CPT1C: variants seen among roughly 807,000 people sequenced by gnomAD.
The protein encoded by CPT1C is carnitine palmitoyltransferase 1C, also known as palmitoyl thioesterase CPT1C.
Under a neutral mutation model 97.3 loss-of-function variants are expected in CPT1C, and 61 were observed. The ratio of observed to expected loss-of-function variants is 0.63; its 90% CI spans 0.51 to 0.78. The LOEUF (loss-of-function observed/expected upper bound fraction) is 0.78. Ranked by LOEUF, CPT1C falls within the 30% of genes least tolerant of loss-of-function variation. CPT1C has a pLI of 0.00. For missense variants in CPT1C, 975 were observed against 1,065.5 expected (o/e 0.92, Z 1.18); for synonymous variants, 469 against 447.2 (o/e 1.05, Z -0.61).
chr19:49,709,546 C>T (rs545637226), intron 14 of CPT1C, among the ~76,000 whole-genome samples: 1 of 151,428 alleles, frequency 6.6e-6, no homozygotes, highest in Non-Finnish European at 1.5e-5. Context: ...ACATGCCATC[C>T]CTATCCCCAT....
At chr19:49,707,448 T>A in intron 12 of CPT1C, 70 bp from the exon 13 acceptor site, 1 of 1,086,200 alleles carries the variant, frequency 9.2e-7, no homozygotes. Context: ...CCCCCTCAAG[T>A]CCCACAGAAA....
At chr19:49,693,284 A>G (rs1412983797) in intron 3 of CPT1C, among the ~76,000 whole-genome samples, 1 of 152,068 alleles carries the variant, frequency 6.6e-6, no homozygotes, top group Non-Finnish European at 1.5e-5. Flanking sequence ...CTGTCTCCAT[A>G]CAGGGACTCC....
Position 49,702,099 on chromosome 19 carries a change from A to T in CPT1C, c.693+465A>T, listed in dbSNP as rs1316342443. ...ATTATAAATATATATTTATTTATAA[A>T]TTATAAATATATATTTATTTATTTA... On this transcript the variant is annotated intron_variant, in intron 7 of 19. Transcript: ENST00000598293. Among the ~76,000 whole-genome samples the T allele has an allele frequency of 2.1e-4, 22 of 103,608 alleles. 1 individual carries two copies. The highest frequency in any genetic ancestry group is 8.8e-4 in the African/African-American group (18 of 20,456). 68.0% of individuals were successfully genotyped at this position (103,608 alleles called of 152,430 possible). A position where few individuals can be genotyped will look rare whatever the true frequency, so the allele number is the denominator to read the frequency against.
intron 13 of CPT1C, 138 bp from the exon 14 acceptor site, chr19:49,708,585 C>T: frequency 1.4e-6 from 1 of 738,468 alleles, no homozygotes. Flanking sequence ...CCTGAGACCG[C>T]ATCTGTGAAT....
intron 12 of CPT1C, among the ~76,000 whole-genome samples, chr19:49,707,286 A>AAAAC (rs757180132): frequency 9.2e-5 from 14 of 152,188 alleles, no homozygotes; most frequent in Middle Eastern, 3.4e-3. Flanking sequence ...ACTCCATCTC[A>AAAAC]AAACAAACAA....
At position 49,708,847 on chromosome 19, in the gene CPT1C, T is replaced by G. The variant is rs762133869; in HGVS notation, c.1566+8T>G. The stretch of plus-strand genomic sequence containing the variant: ...TGGGACCTTCCAGACCAGGTGAGGC[T>G]GGGTTTCTGGGCCTCTCCTCCAAGT... On this transcript the variant is annotated splice_region_variant and intron_variant, in intron 14 of 19. Transcript: ENST00000598293. 3 of 1,561,748 alleles carry G rather than the reference T, an allele frequency of 1.9e-6. No individual in the cohort carries two copies. Among genetic ancestry groups the G allele is most frequent in the Non-Finnish European group, 2.6e-6 (3 of 1,134,046 alleles).
intron 7 of CPT1C, among the ~76,000 whole-genome samples, chr19:49,703,017 T>C (rs1459550172): frequency 1.3e-5 from 2 of 151,930 alleles, no homozygotes; most frequent in Non-Finnish European, 2.9e-5. Context: ...AATGCAGGCC[T>C]TGCTTTTCTG....
At chr19:49,699,557 T>C (rs1401246718) in intron 4 of CPT1C, among the ~76,000 whole-genome samples, 3 of 147,130 alleles carry the variant, frequency 2.0e-5, no homozygotes, top group African/African-American at 5.0e-5. Flanking sequence ...GTCCTCCAGG[T>C]GACATTTGCA....
At chr19:49,708,988 C>A in intron 14 of CPT1C, 149 bp downstream of exon 14, 1 of 605,272 alleles carries the variant, frequency 1.7e-6, no homozygotes, top group Non-Finnish European at 2.9e-6. Context: ...CCAAATCAGG[C>A]CATATGCATC....
intron 17 of CPT1C, 176 bp from the exon 18 acceptor site, chr19:49,712,560 T>G (rs1600160373): frequency 5.0e-6 from 3 of 598,306 alleles, no homozygotes; most frequent in Non-Finnish European, 6.0e-6. Flanking sequence ...GTGTGGGTGG[T>G]GAGACGAGTG....
At position 49,701,298 on chromosome 19, in the gene CPT1C, G is replaced by A. The variant is rs769454583; in HGVS notation, c.454-19G>A. ...GGCTCCGGTGAGGGGTTAATGACCC[G>A]GTAACTCCTCCTCCCCAGGCCCTGG... On this transcript the variant is annotated intron_variant, in intron 5 of 19. Coordinates refer to ENST00000598293, the MANE Select transcript of CPT1C (RefSeq NM_001199753.2). The A allele has an allele frequency of 3.7e-6, 6 of 1,602,928 alleles. No homozygotes were observed. Among genetic ancestry groups the A allele is most frequent in the African/African-American group, 1.3e-5 (1 of 74,768 alleles).
In CPT1C at chr19:49,706,716, A is replaced by G. The variant is rs924590336; in HGVS notation, c.1343+303A>G. Among the ~76,000 whole-genome samples, 1 of 152,034 alleles carries G rather than the reference A, an allele frequency of 6.6e-6. No homozygotes were observed. Among genetic ancestry groups the G allele is most frequent in the Non-Finnish European group, 1.5e-5 (1 of 68,016 alleles). On this transcript the variant is annotated intron_variant, in intron 12 of 19. Coordinates refer to ENST00000598293, the MANE Select transcript of CPT1C (RefSeq NM_001199753.2). This position sits in a 1 kb window ranked among gnomAD's most constrained non-coding sequence, Gnocchi z 4.8. ...AGAGAACTCAGCATCACAGACCCAG[A>G]GACCCCAGATCTGAGGACCACCAAA...
At position 49,706,137 on chromosome 19, in the gene CPT1C, C is replaced by T. The variant is rs948164950; in HGVS notation, c.1160+33C>T. 10 of 1,588,762 alleles carry T rather than the reference C, an allele frequency of 6.3e-6. No individual in the cohort carries two copies. Among genetic ancestry groups the T allele is most frequent in the African/African-American group, 1.3e-5 (1 of 74,290 alleles). On this transcript the variant is annotated intron_variant, in intron 11 of 19. Transcript: ENST00000598293. This position sits in a 1 kb window ranked among gnomAD's most constrained non-coding sequence, Gnocchi z 4.8. The stretch of plus-strand genomic sequence containing the variant: ...TCAGGGGTCAGGGGTCAGGGGCTCT[C>T]AGAGGCCGCCAGTGTCCTGAGACTG...
intron 3 of CPT1C, among the ~76,000 whole-genome samples, chr19:49,694,074 T>A (rs1251915848): frequency 1.2e-3 from 158 of 127,136 alleles, no homozygotes; most frequent in Middle Eastern, 4.2e-3. Context: ...CAAAAAAAAA[T>A]AAAATAAAAT....
intron 3 of CPT1C, chr19:49,696,577 C>T (rs2082685921): frequency 6.7e-6 from 1 of 149,826 alleles, no homozygotes; most frequent in Admixed American, 6.7e-5. Flanking sequence ...CCTCCTGCTT[C>T]AGCCTTCCAA....
chr19:49,703,563 TCCTCCCTCCCTCCCTCCCTC>T (rs57669600), intron 7 of CPT1C, among the ~76,000 whole-genome samples: 1 of 61,618 alleles, frequency 1.6e-5, no homozygotes, highest in African/African-American at 1.0e-4. Flanking sequence ...TGTCTCTCTC[TCCTCCCTCCCTCCCTCCCTC>T]CCTCCCTCCC....
intron 13 of CPT1C, 139 bp from the exon 14 acceptor site, chr19:49,708,584 G>A (rs72626235): frequency 0.026 from 18,994 of 732,608 alleles, 1,264 homozygotes; most frequent in Admixed American, 0.14. Context: ...ACCTGAGACC[G>A]CATCTGTGAA....
In CPT1C at chr19:49,704,763, G is replaced by A. The variant is rs747421409; in HGVS notation, c.747G>A (p.Met249Ile). The stretch of plus-strand genomic sequence containing the variant: ...ACCTGCGCTCCCGAAATCCGCTGAT[G>A]GTGAACAGCAACTATTACATGATGG... ...FVYLRSRNPL[M>I]VNSNYYMMDF... is the part of the protein sequence containing the mutation. Residue 249 changes from methionine to isoleucine, a missense_variant, in exon 8 of 20, where the codon ATG becomes ATA. By Grantham distance (10) the Met-to-Ile change is conservative. Transcript: ENST00000598293. 6.2e-6 allele frequency: 10 copies of A among 1,614,022 alleles called. No individual in the cohort carries two copies. The highest frequency in any genetic ancestry group is 8.5e-6 in the Non-Finnish European group (10 of 1,179,968).
intron 4 of CPT1C, 117 bp downstream of exon 4, chr19:49,697,582 G>A (rs2082738689): frequency 1.6e-6 from 2 of 1,241,606 alleles, no homozygotes; most frequent in South Asian, 2.9e-5. Flanking sequence ...CTTACATTGG[G>A]TCAGATTAAT....
Sources: allele counts gnomAD v4.1 joint callset (sites outside exome capture counted in the v4.1 genomes callset), GRCh38; gene constraint gnomAD v4.1.1; non-coding constraint Gnocchi (gnomAD v3.1); transcripts MANE v1.5; gene names NCBI Gene and HGNC (gene_info 2026-07-23, HGNC 2026-07-21).